The following BRD8 variants were observed in gnomAD, a reference collection of about 807,000 sequenced individuals.
BRD8 encodes the protein bromodomain containing 8.
A neutral mutation model predicts 143.1 loss-of-function variants in BRD8; 67 were observed. The ratio of observed to expected loss-of-function variants is 0.47; its 90% CI spans 0.38 to 0.57. The LOEUF (loss-of-function observed/expected upper bound fraction) is 0.57, where lower values mean the gene tolerates loss of function less well. Among genes scored for constraint, BRD8 ranks in the 20% least tolerant of loss-of-function variants. The pLI, the probability that BRD8 is intolerant of heterozygous loss-of-function variation, is 0.00. For synonymous variants in BRD8, 505 were observed against 517.1 expected, an observed-to-expected ratio of 0.98 and a Z score of 0.32; for missense variants, 1,103 against 1,503.0, an observed-to-expected ratio of 0.73 and a Z score of 4.40.
In BRD8 at chr5:138,149,690, C is replaced by T. The variant is rs775818154; in HGVS notation, c.3228G>A (p.Lys1076=). The part of the protein sequence containing the change: ...SGECDDAFNI[K]ETPLVDTLFS... ...AAAGTGTATCCACCAAGGGAGTCTC[C>T]TTAATGTTAAAGGCATCATCACACT... The change falls in exon 23 of 27, where the codon AAG becomes AAA. Residue 1076 remains lysine (K), a synonymous_variant. Coordinates refer to ENST00000254900, the MANE Select transcript of BRD8 (RefSeq NM_139199.2). 2.3e-5 allele frequency: 37 copies of T among 1,613,534 alleles called. No homozygotes were observed. Among genetic ancestry groups the T allele is most frequent in the Non-Finnish European group, 3.1e-5 (37 of 1,179,760 alleles).
chr5:138,160,197 G>C (rs1228259131), intron 18 of BRD8, 24 bp from the exon 19 acceptor site: 1 of 1,562,268 alleles, frequency 6.4e-7, no homozygotes, highest in East Asian at 2.2e-5. Context: ...AAACAGGGTA[G>C]GCCATGGAGA....
At chr5:138,145,138 T>C in intron 25 of BRD8, 39 bp downstream of exon 25, 1 of 1,576,640 alleles carries the variant, frequency 6.3e-7, no homozygotes, top group Non-Finnish European at 8.6e-7. Context: ...AAGGCAGATA[T>C]AAAAGCAACC....
chr5:138,160,232 G>A (rs1581427814), intron 18 of BRD8, 59 bp from the exon 19 acceptor site: 2 of 1,181,918 alleles, frequency 1.7e-6, no homozygotes, highest in Non-Finnish European at 2.5e-6. Context: ...GACAAATTAA[G>A]TACACTTTAA....
At chr5:138,148,213 A>G (rs1331877776) in intron 23 of BRD8, among the ~76,000 whole-genome samples, 1 of 151,818 alleles carries the variant, frequency 6.6e-6, no homozygotes, top group Non-Finnish European at 1.5e-5. Flanking sequence ...TCAGTGCATA[A>G]ATCTCATAAT....
At position 138,159,595 on chromosome 5, in the gene BRD8, C is replaced by T. The variant is rs1437793040; in HGVS notation, c.2537G>A (p.Ser846Asn). ...TRKQDASEKDSVPMGSPAFLL... is the reference protein window; with the variant it reads ...TRKQDASEKDNVPMGSPAFLL... ...GAAGGCAGGAGAGCCCATTGGGACA[C>T]TGTCCTGTTAGAGGACAAACAAACA... The change falls in exon 20 of 27, where the codon AGT becomes AAT. Residue 846 changes from serine to asparagine, a missense_variant. Around this residue, in one of 7 missense-constraint regions of BRD8, gnomAD observed 64 missense variants for 211.3 expected, o/e 0.30. Coordinates refer to ENST00000254900, the MANE Select transcript of BRD8 (RefSeq NM_139199.2). 1 of 1,613,988 alleles carries T rather than the reference C, an allele frequency of 6.2e-7. No individual in the cohort carries two copies. Among genetic ancestry groups the T allele is most frequent in the African/African-American group, 1.3e-5 (1 of 74,926 alleles).
chr5:138,175,340 TA>T (rs1343542456), intron 2 of BRD8, among the ~76,000 whole-genome samples: 1 of 152,190 alleles, frequency 6.6e-6, no homozygotes, highest in African/African-American at 2.4e-5. Flanking sequence ...CTGAATTGTT[TA>T]TAAATGTGGC....
rs1253280867 is a variant in BRD8 at position 138,150,765 on chromosome 5, G to A, written c.3100C>T (p.Leu1034=). ...CTTACCTCTTCACTCTCTGTGAGTAGTCCCTGAACTGTACAAATAACTGAG... is the reference window on the plus strand; with the variant it reads ...CTTACCTCTTCACTCTCTGTGAGTAATCCCTGAACTGTACAAATAACTGAG... ...APSVICTVQG[L]LTESEEGEAQ... is the part of the protein sequence containing the mutation. The change falls in exon 22 of 27, where the codon CTA becomes TTA. Residue 1034 remains leucine, a synonymous_variant. Transcript: ENST00000254900. The A allele has an allele frequency of 6.2e-7, 1 of 1,613,190 alleles. No homozygotes were observed. Among genetic ancestry groups the A allele is most frequent in the South Asian group, 1.1e-5 (1 of 90,950 alleles).
At chr5:138,153,626 T>C (rs1752451331) in intron 20 of BRD8, among the ~76,000 whole-genome samples, 1 of 151,922 alleles carries the variant, frequency 6.6e-6, no homozygotes, top group South Asian at 2.1e-4. Flanking sequence ...CCAAAATCAC[T>C]GCTTCTTCCC....
rs1157041038 is a variant in BRD8, at chr5:138,152,552, C to T, written c.2786G>A (p.Gly929Glu). 6.2e-7 allele frequency: 1 copy of T among 1,614,094 alleles called. No individual in the cohort carries two copies. The highest frequency in any genetic ancestry group is 1.3e-5 in the African/African-American group (1 of 74,942). Residue 929 changes from glycine (G) to glutamate (E), a missense_variant, in exon 21 of 27, where the codon GGA (glycine) becomes GAA (glutamate). Physicochemically the swap from Gly to Glu is moderately conservative, Grantham distance 98 (BLOSUM62 -2). This residue lies in a region of BRD8 where 369 missense variants were observed against 445.5 expected (regional missense o/e 0.83). Transcript: ENST00000254900. ...REPSELLVGDGGSEESQEAAR... is the reference protein window; with the variant it reads ...REPSELLVGDEGSEESQEAAR... ...CGCTTCCTGAGATTCCTCACTGCCTCCATCCCCAACAAGCAGTTCACTAGG... is the reference window on the plus strand; with the variant it reads ...CGCTTCCTGAGATTCCTCACTGCCTTCATCCCCAACAAGCAGTTCACTAGG...
At chr5:138,162,778 C>G (rs1377830348) in intron 15 of BRD8, among the ~76,000 whole-genome samples, 1 of 151,990 alleles carries the variant, frequency 6.6e-6, no homozygotes, top group Non-Finnish European at 1.5e-5. Context: ...AGGTGGAACG[C>G]TTGAGCTCAG....
At chr5:138,142,608 C>T (rs866326529) in intron 25 of BRD8, among the ~76,000 whole-genome samples, 32 of 151,706 alleles carry the variant, frequency 2.1e-4, no homozygotes, top group African/African-American at 5.1e-4. Flanking sequence ...ACTAAAAATA[C>T]AAAAATTAGC....
chr5:138,145,885 G>A lies in BRD8; in HGVS notation c.3279-7C>T, dbSNP rs750448260. On this transcript the variant is annotated splice_region_variant and splice_polypyrimidine_tract_variant and intron_variant, in intron 23 of 26. Transcript: ENST00000254900. ...ATCCTGGCTTAGATCAGTCCTATGA[G>A]GATAAAACATGAAGAAAAGAGACAG... 9 of 1,609,184 alleles carry A rather than the reference G, an allele frequency of 5.6e-6. No individual in the cohort carries two copies. Among genetic ancestry groups the A allele is most frequent in the Middle Eastern group, 1.7e-4 (1 of 6,042 alleles).
At chr5:138,161,699 T>G in intron 17 of BRD8, 97 bp downstream of exon 17, 1 of 1,262,262 alleles carries the variant, frequency 7.9e-7, no homozygotes, top group Non-Finnish European at 1.1e-6. Context: ...AACCATAAAC[T>G]TACTTGCTTT....
chr5:138,145,325 A>G (rs957943428), intron 24 of BRD8, 80 bp from the exon 25 acceptor site: 6 of 1,291,248 alleles, frequency 4.6e-6, no homozygotes, highest in African/African-American at 1.5e-5. Flanking sequence ...AGTTCTTAGT[A>G]GACTTCCTTT....
chr5:138,170,486 T>A, intron 6 of BRD8, 77 bp from the exon 7 acceptor site: 2 of 1,492,524 alleles, frequency 1.3e-6, no homozygotes, highest in Non-Finnish European at 1.9e-6. Flanking sequence ...TACAAAGTAA[T>A]TTTTTTTGCC....
intron 8 of BRD8, chr5:138,168,695 G>A (rs1462399110): frequency 1.4e-6 from 2 of 1,440,284 alleles, no homozygotes; most frequent in African/African-American, 1.4e-5. Flanking sequence ...TTACCTAAGA[G>A]ACAACAGAGA....
At chr5:138,174,662 T>C (rs1186492330) in intron 2 of BRD8, among the ~76,000 whole-genome samples, 2 of 151,660 alleles carry the variant, frequency 1.3e-5, no homozygotes, top group Non-Finnish European at 2.9e-5. Flanking sequence ...AGGGAAGAGA[T>C]GTGACTTTTC....
chr5:138,167,974 C>G lies in BRD8; in HGVS notation c.747G>C (p.Gln249His). Residue 249 changes from glutamine to histidine, a missense_variant, in exon 9 of 27, where the codon CAG becomes CAC. Around this residue, in one of 7 missense-constraint regions of BRD8, gnomAD observed 334 missense variants for 372.5 expected, o/e 0.90. Transcript: ENST00000254900. The stretch of plus-strand genomic sequence containing the variant: ...AGGCTGCAACAGTATTGGGTGTTTG[C>G]TGTATCTCCCCACCATGTATCATGG... ...VLPMIHGGEI[Q>H]QTPNTVAASP... 2.5e-6 allele frequency: 4 copies of G among 1,613,546 alleles called. No homozygotes were observed. The highest frequency in any genetic ancestry group is 3.4e-6 in the Non-Finnish European group (4 of 1,179,458).
At chr5:138,177,473 C>A in intron 2 of BRD8, 98 bp downstream of exon 2, 1 of 753,764 alleles carries the variant, frequency 1.3e-6, no homozygotes, top group Admixed American at 2.2e-5. Context: ...AGAAAGTCTA[C>A]TTACAGCTTA....
Sources: gnomAD v4.1 joint callset for allele counts (sites outside exome capture counted in the v4.1 genomes callset) on GRCh38, gnomAD v4.1.1 for gene constraint, gnomAD v4.1.1 regional missense constraint, MANE v1.5 for transcripts, NCBI Gene and HGNC (gene_info 2026-07-23, HGNC 2026-07-21) for gene names.